The following AMMECR1 variants were observed in gnomAD, a reference collection of about 807,000 sequenced individuals.
AMMECR1 encodes nuclear protein AMMECR1.
In AMMECR1, 3 loss-of-function variants were observed where a neutral mutation model predicts 22.5. The observed-to-expected ratio is 0.13, with a 90% CI of 0.06 to 0.35. AMMECR1 has a LOEUF of 0.35. Among genes scored for constraint, AMMECR1 ranks in the 10% least tolerant of loss-of-function variants. The pLI is 1.00. For synonymous variants in AMMECR1, 130 were observed against 116.7 expected (o/e 1.11, Z -0.74); for missense variants, 235 against 278.7 (o/e 0.84, Z 1.12).
intron 1 of AMMECR1, among the ~76,000 whole-genome samples, chrX:110,310,454 A>G (rs1245307709): frequency 9.0e-6 from 1 of 111,424 alleles, no homozygotes; most frequent in Non-Finnish European, 1.9e-5. Flanking sequence ...TATTCCAGCT[A>G]TCTTTATATT....
At chrX:110,348,142 T>C (rs767681629) in intron 2 of AMMECR1, among the ~76,000 whole-genome samples, 1 of 112,321 alleles carries the variant, frequency 8.9e-6, no homozygotes, top group Admixed American at 9.4e-5. Context: ...TAGCAACTTC[T>C]CAGTACAAAA....
At chrX:110,231,249 G>A (rs1193654039) in intron 2 of AMMECR1, among the ~76,000 whole-genome samples, 1 of 112,026 alleles carries the variant, frequency 8.9e-6, no homozygotes, top group Admixed American at 9.5e-5. Flanking sequence ...AGGTTGAAAT[G>A]AAGCAAAAAG....
At chrX:110,349,619 A>G (rs1447934056) in intron 2 of AMMECR1, among the ~76,000 whole-genome samples, 1 of 112,134 alleles carries the variant, frequency 8.9e-6, no homozygotes, top group Non-Finnish European at 1.9e-5. Context: ...ACTGAACAAC[A>G]TAGCCTAATT....
chrX:110,250,073 G>A (rs2067679475), intron 2 of AMMECR1, among the ~76,000 whole-genome samples: 1 of 112,299 alleles, frequency 8.9e-6, no homozygotes, highest in African/African-American at 3.2e-5. Context: ...ACACAAGGCA[G>A]ATAACTCAAG....
chrX:110,380,353 CA>C (rs59978261), intron 2 of AMMECR1, among the ~76,000 whole-genome samples: 18,209 of 109,873 alleles, frequency 0.17, 2,824 homozygotes, highest in African/African-American at 0.49. Flanking sequence ...AATAGCCATA[CA>C]AAAAAAATTA....
intron 2 of AMMECR1, among the ~76,000 whole-genome samples, chrX:110,384,291 G>A (rs2068439879): frequency 9.1e-6 from 1 of 110,378 alleles, no homozygotes; most frequent in South Asian, 3.9e-4. Context: ...ACTGAAAAAA[G>A]CACTGAAATC....
rs1388442657 is a variant in AMMECR1, at chrX:110,256,416, T to G, written c.584+8073A>C. Among the ~76,000 whole-genome samples, 2 of 111,809 alleles carry G rather than the reference T, an allele frequency of 1.8e-5. 1 individual carries two copies. Among genetic ancestry groups the G allele is most frequent in the South Asian group, 7.4e-4 (2 of 2,711 alleles). On this transcript the variant is annotated intron_variant, in intron 2 of 5. Coordinates refer to ENST00000262844, the MANE Select transcript of AMMECR1 (RefSeq NM_015365.3). ...TGATATTCTATTCCAATAGAAAATT[T>G]TTTAAATGTTACAATTTGTCCATGT...
chrX:110,231,530 A>G (rs1033755648), intron 2 of AMMECR1, among the ~76,000 whole-genome samples: 1 of 112,425 alleles, frequency 8.9e-6, no homozygotes, highest in Non-Finnish European at 1.9e-5. Context: ...AAACGTGGAA[A>G]GAAACAACTG....
At chrX:110,397,758 G>C in intron 2 of AMMECR1, among the ~76,000 whole-genome samples, 1 of 112,082 alleles carries the variant, frequency 8.9e-6, no homozygotes. Flanking sequence ...TGCCCCATCA[G>C]CTTCCCTGCT....
chrX:110,386,649 A>T (rs1462336750), intron 2 of AMMECR1, among the ~76,000 whole-genome samples: 2 of 111,922 alleles, frequency 1.8e-5, no homozygotes, highest in African/African-American at 3.2e-5. Flanking sequence ...ATTTTCTTGA[A>T]GCTATTATTA....
In AMMECR1 at chrX:110,317,857, G is replaced by A. The variant is rs1391817245; in HGVS notation, c.215C>T (p.Pro72Leu). 1 of 1,176,832 alleles carries A rather than the reference G, an allele frequency of 8.5e-7. No homozygotes were observed. Among genetic ancestry groups the A allele is most frequent in the South Asian group, 1.9e-5 (1 of 52,095 alleles). The change falls in exon 1 of 6, where the codon CCC (proline) becomes CTC (leucine). Residue 72 changes from proline to leucine, a missense_variant. This residue lies in a region of AMMECR1 where 124 missense variants were observed against 97.0 expected (regional missense o/e 1.28). Transcript: ENST00000262844. The stretch of plus-strand genomic sequence containing the variant: ...GCCGCCGCCGCCGCAGCCCTGGGGG[G>A]GAGAGAGGGTACAGCCGCTGCCGCT... ...GGSGSGCTLS[P>L]PQGCGGGGGG...
chrX:110,351,374 T>C (rs2068210635), intron 2 of AMMECR1, among the ~76,000 whole-genome samples: 1 of 112,376 alleles, frequency 8.9e-6, no homozygotes, highest in African/African-American at 3.2e-5. Context: ...ATCAGTATGG[T>C]ACTGACATAA....
chrX:110,426,503 C>T (rs1381089018), intron 2 of AMMECR1, among the ~76,000 whole-genome samples: 2 of 111,979 alleles, frequency 1.8e-5, no homozygotes, highest in African/African-American at 6.5e-5. Context: ...ATTTTTCAGG[C>T]TGTACTTAAG....
At chrX:110,350,108 T>C (rs909273735) in intron 2 of AMMECR1, among the ~76,000 whole-genome samples, 1 of 112,311 alleles carries the variant, frequency 8.9e-6, no homozygotes, top group Admixed American at 9.4e-5. Context: ...AACACTTCCA[T>C]CTGAAGTGAA....
chrX:110,249,091 C>A (rs903278735), intron 2 of AMMECR1, among the ~76,000 whole-genome samples: 5 of 111,652 alleles, frequency 4.5e-5, no homozygotes, highest in Admixed American at 1.9e-4. Flanking sequence ...TTAAGGGAGA[C>A]AGTGCCTCAA....
intron 3 of AMMECR1, among the ~76,000 whole-genome samples, chrX:110,208,371 T>C (rs1023599892): frequency 4.4e-4 from 49 of 112,626 alleles, no homozygotes; most frequent in Admixed American, 2.3e-3. Flanking sequence ...TGTTACTTTA[T>C]GAAAAAGGTC....
chrX:110,368,600 ACT>A (rs777461220), intron 2 of AMMECR1, among the ~76,000 whole-genome samples: 18 of 110,805 alleles, frequency 1.6e-4, no homozygotes, highest in African/African-American at 5.6e-4. Context: ...AAAAATTGCC[ACT>A]CTCTGCATGC....
chrX:110,386,809 T>A (rs1173061060), intron 2 of AMMECR1, among the ~76,000 whole-genome samples: 1 of 112,516 alleles, frequency 8.9e-6, no homozygotes, highest in Admixed American at 9.4e-5. Context: ...AAGCTTCTCC[T>A]CTGTGCCAGG....
intron 2 of AMMECR1, among the ~76,000 whole-genome samples, chrX:110,408,656 A>G (rs1334743772): frequency 3.6e-5 from 4 of 112,440 alleles, no homozygotes; most frequent in African/African-American, 1.3e-4. Flanking sequence ...TCACCATTTC[A>G]GGAAATCATG....
Sources: gnomAD v4.1 joint callset for allele counts (sites outside exome capture counted in the v4.1 genomes callset) on GRCh38, gnomAD v4.1.1 for gene constraint, gnomAD v4.1.1 regional missense constraint, MANE v1.5 for transcripts, NCBI Gene and HGNC (gene_info 2026-07-23, HGNC 2026-07-21) for gene names.